The following ADAMTSL1 variants were observed in gnomAD, a reference collection of about 807,000 sequenced individuals.
ADAMTSL1 encodes ADAMTS like 1.
ADAMTSL1 carries 126 observed loss-of-function variants against 201.8 expected under a neutral mutation model. That is an observed-to-expected ratio of 0.62 (90% CI 0.54 to 0.72). The LOEUF is 0.72. ADAMTSL1 is among the 30% of genes least tolerant of loss of function. ADAMTSL1 has a pLI of 0.00. For synonymous variants in ADAMTSL1, 1,121 were observed against 903.4 expected, an observed-to-expected ratio of 1.24 and a Z score of -4.32; for missense variants, 2,679 against 2,277.8, an observed-to-expected ratio of 1.18 and a Z score of -3.59.
chr9:18,257,173 C>A (rs1831719427), intron 2 of ADAMTSL1, among the ~76,000 whole-genome samples: 1 of 152,084 alleles, frequency 6.6e-6, no homozygotes, highest in African/African-American at 2.4e-5. Flanking sequence ...GTGATCATCA[C>A]AACACAATTC....
chr9:18,428,921 C>T (rs1819358346), intron 2 of ADAMTSL1, among the ~76,000 whole-genome samples: 1 of 152,190 alleles, frequency 6.6e-6, no homozygotes, highest in South Asian at 2.1e-4. Flanking sequence ...CTGCTCCTCA[C>T]TGAAATTGTC....
At chr9:18,881,966 G>A (rs1200946207) in intron 23 of ADAMTSL1, among the ~76,000 whole-genome samples, 4 of 152,170 alleles carry the variant, frequency 2.6e-5, no homozygotes, top group Non-Finnish European at 5.9e-5. Flanking sequence ...GCCAAGAGAG[G>A]TTTCCTGGCT....
intron 7 of ADAMTSL1, among the ~76,000 whole-genome samples, chr9:18,655,991 T>C (rs1234028410): frequency 6.6e-6 from 1 of 152,074 alleles, no homozygotes; most frequent in Non-Finnish European, 1.5e-5. Context: ...TCTTTTAAAG[T>C]AGGGAATGGT....
intron 1 of ADAMTSL1, among the ~76,000 whole-genome samples, chr9:17,909,725 C>G (rs1362227516): frequency 1.5e-5 from 1 of 65,334 alleles, no homozygotes; most frequent in Non-Finnish European, 4.5e-5. Flanking sequence ...AGTAAACTAT[C>G]ACAAAACAAA....
intron 8 of ADAMTSL1, among the ~76,000 whole-genome samples, chr9:18,661,574 A>G (rs1829094886): frequency 6.6e-6 from 1 of 152,186 alleles, no homozygotes; most frequent in Non-Finnish European, 1.5e-5. Context: ...TTCTTGTATA[A>G]GATGGTTGGT....
At position 18,347,417 on chromosome 9, in the gene ADAMTSL1, G is replaced by A. The variant is rs142462672; in HGVS notation, c.208-157412G>A. 8.7e-3 allele frequency among the ~76,000 whole-genome samples: 1,326 copies of A among 152,010 alleles called. 20 individuals are homozygous for A. Among genetic ancestry groups the A allele is most frequent in the South Asian group, 0.043 (208 of 4,800 alleles). ...ATGACATATTCAATTCTAAGGAACT[G>A]AAGTGAAGAAGAATTCTGCATTTTT... On this transcript the variant is annotated intron_variant, in intron 2 of 29. Transcript: ENST00000680146.
chr9:18,713,284 A>C (rs1233513534), intron 14 of ADAMTSL1, among the ~76,000 whole-genome samples: 2 of 152,192 alleles, frequency 1.3e-5, no homozygotes, highest in African/African-American at 4.8e-5. Flanking sequence ...TAAATGCTCC[A>C]ATTAAAAGAC....
chr9:18,794,821 T>C (rs977579900), intron 19 of ADAMTSL1, among the ~76,000 whole-genome samples: 3 of 152,016 alleles, frequency 2.0e-5, no homozygotes, highest in Non-Finnish European at 2.9e-5. Context: ...TTTGTAGTTT[T>C]AGTAGAGACG....
chr9:18,669,147 C>A lies in ADAMTSL1; in HGVS notation c.1086-6710C>A, dbSNP rs568065589. 1.1e-3 allele frequency among the ~76,000 whole-genome samples: 164 copies of A among 152,344 alleles called. 1 individual carries two copies. Among genetic ancestry groups the A allele is most frequent in the African/African-American group, 3.7e-3 (153 of 41,576 alleles). On this transcript the variant is annotated intron_variant, in intron 9 of 28. Coordinates refer to ENST00000380548, the MANE Select transcript of ADAMTSL1 (RefSeq NM_001040272.6). The stretch of plus-strand genomic sequence containing the variant: ...GCCAGCACAGAACCATTAACCATAA[C>A]AATGCCAAGTCTGGGTGTTTGAATT...
intron 2 of ADAMTSL1, among the ~76,000 whole-genome samples, chr9:18,332,399 CAT>C (rs1482560775): frequency 6.6e-6 from 1 of 152,128 alleles, no homozygotes; most frequent in East Asian, 1.9e-4. Context: ...CATTTTATCA[CAT>C]AGTTTGAGTT....
chr9:18,272,759 C>T (rs72684987), intron 2 of ADAMTSL1, among the ~76,000 whole-genome samples: 6,940 of 152,268 alleles, frequency 0.046, 243 homozygotes, highest in Non-Finnish European at 0.074. Flanking sequence ...CTCTCTTCAG[C>T]AGACCTGGCC....
At chr9:18,211,316 G>A (rs938318575) in intron 2 of ADAMTSL1, among the ~76,000 whole-genome samples, 1 of 151,902 alleles carries the variant, frequency 6.6e-6, no homozygotes, top group Non-Finnish European at 1.5e-5. Context: ...AAATACAATG[G>A]CCCCCCTCCA....
chr9:18,365,357 C>T (rs1025609607), intron 2 of ADAMTSL1, among the ~76,000 whole-genome samples: 2 of 152,132 alleles, frequency 1.3e-5, no homozygotes, highest in African/African-American at 2.4e-5. Flanking sequence ...GCAGCACACT[C>T]TTTAGAGATG....
chr9:18,581,515 G>A (rs74430456), intron 4 of ADAMTSL1, among the ~76,000 whole-genome samples: 424 of 152,196 alleles, frequency 2.8e-3, no homozygotes, highest in Non-Finnish European at 4.4e-3. Flanking sequence ...CCATTTCAGA[G>A]TCAACTGTAA....
At chr9:18,399,806 G>C (rs1817914862) in intron 2 of ADAMTSL1, among the ~76,000 whole-genome samples, 1 of 152,116 alleles carries the variant, frequency 6.6e-6, no homozygotes, top group Non-Finnish European at 1.5e-5. Context: ...ACAAAAACCA[G>C]GGTTTCCTAG....
At chr9:17,913,122 G>A (rs1825956387) in intron 1 of ADAMTSL1, among the ~76,000 whole-genome samples, 1 of 152,144 alleles carries the variant, frequency 6.6e-6, no homozygotes, top group Admixed American at 6.5e-5. Flanking sequence ...TTTGAAGTCA[G>A]GTAGCGTGAT....
At chr9:18,541,311 AC>A (rs1253683948) in intron 3 of ADAMTSL1, among the ~76,000 whole-genome samples, 4 of 152,154 alleles carry the variant, frequency 2.6e-5, no homozygotes, top group South Asian at 2.1e-4. Flanking sequence ...AGGAGTTAAG[AC>A]CAGCCTGGTC....
At chr9:18,566,854 A>G (rs1003545561) in intron 3 of ADAMTSL1, among the ~76,000 whole-genome samples, 1 of 152,214 alleles carries the variant, frequency 6.6e-6, no homozygotes, top group Non-Finnish European at 1.5e-5. Context: ...AGACTATTGC[A>G]AGAACGCAGG....
chr9:18,869,187 T>C (rs1469875895), intron 23 of ADAMTSL1, among the ~76,000 whole-genome samples: 2 of 152,212 alleles, frequency 1.3e-5, no homozygotes, highest in Non-Finnish European at 2.9e-5. Flanking sequence ...ATGAAACAGA[T>C]TCTTCTCTCA....
Sources: gnomAD v4.1 joint callset for allele counts (sites outside exome capture counted in the v4.1 genomes callset) on GRCh38, gnomAD v4.1.1 for gene constraint, MANE v1.5 for transcripts, NCBI Gene and HGNC (gene_info 2026-07-23, HGNC 2026-07-21) for gene names.